Variants in OR51B5 observed in about 807,000 individuals in gnomAD.
OR51B5 encodes olfactory receptor family 51 subfamily B member 5.
For missense variants in OR51B5, 456 were observed against 374.6 expected, an observed-to-expected ratio of 1.22 and a Z score of -1.79; for synonymous variants, 186 against 144.8, an observed-to-expected ratio of 1.28 and a Z score of -2.04.
chr11:5,346,120 A>T (rs1057034707), upstream of OR51B5: 1 of 152,128 alleles, frequency 6.6e-6, no homozygotes, highest in Admixed American at 6.6e-5. Context: ...ATTCCTTCTT[A>T]TCAGAGAATA....
At chr11:5,409,133 C>G (rs1850105681) in intron 1 of OR51B5, among the ~76,000 whole-genome samples, 1 of 152,102 alleles carries the variant, frequency 6.6e-6, no homozygotes, top group Non-Finnish European at 1.5e-5. Flanking sequence ...TTTAAAATCA[C>G]TGTGTGTGTC....
intron 1 of OR51B5, among the ~76,000 whole-genome samples, chr11:5,348,525 C>T (rs555631384): frequency 2.6e-5 from 4 of 152,150 alleles, no homozygotes; most frequent in Non-Finnish European, 4.4e-5. Context: ...ACTAATAAAC[C>T]AATTCAAAAT....
At chr11:5,395,803 T>C (rs1327179929) in intron 1 of OR51B5, among the ~76,000 whole-genome samples, 2 of 152,198 alleles carry the variant, frequency 1.3e-5, no homozygotes, top group Non-Finnish European at 2.9e-5. Context: ...CAAGAGCTCA[T>C]GGCTTCCCAC....
At chr11:5,405,024 G>A (rs58114066) in intron 1 of OR51B5, among the ~76,000 whole-genome samples, 8,907 of 152,184 alleles carry the variant, frequency 0.059, 688 homozygotes, top group East Asian at 0.4. Context: ...AGAACCCACC[G>A]TTGCAGAAAC....
intron 1 of OR51B5, among the ~76,000 whole-genome samples, chr11:5,484,599 A>G (rs1311677439): frequency 6.6e-6 from 1 of 152,132 alleles, no homozygotes; most frequent in Non-Finnish European, 1.5e-5. Context: ...GATAATATCT[A>G]ATTTTATATA....
intron 1 of OR51B5, among the ~76,000 whole-genome samples, chr11:5,485,378 A>G (rs1034338889): frequency 6.6e-6 from 1 of 152,124 alleles, no homozygotes. Context: ...TCTTTCCCAC[A>G]AAAAATGTGT....
chr11:5,372,326 GTTGT>G (rs1849460025), intron 1 of OR51B5, among the ~76,000 whole-genome samples: 1 of 147,078 alleles, frequency 6.8e-6, no homozygotes, highest in South Asian at 2.1e-4. Flanking sequence ...TCTATTTTTA[GTTGT>G]TTGAGAAACT....
At chr11:5,361,973 C>T (rs1191760505) in intron 1 of OR51B5, among the ~76,000 whole-genome samples, 1 of 152,166 alleles carries the variant, frequency 6.6e-6, no homozygotes. Flanking sequence ...AGGGTATAGA[C>T]TAACAGAAAG....
At chr11:5,494,935 G>T (rs1018139205) in intron 1 of OR51B5, among the ~76,000 whole-genome samples, 1 of 152,166 alleles carries the variant, frequency 6.6e-6, no homozygotes, top group African/African-American at 2.4e-5. Flanking sequence ...TTAACAGCAG[G>T]TGATATGGAC....
intron 1 of OR51B5, among the ~76,000 whole-genome samples, chr11:5,374,013 G>C (rs577439324): frequency 3.9e-5 from 6 of 152,182 alleles, no homozygotes; most frequent in Non-Finnish European, 8.8e-5. Flanking sequence ...ATCTGAGAAC[G>C]GGCAGACTGC....
intron 1 of OR51B5, among the ~76,000 whole-genome samples, chr11:5,491,933 T>C (rs999110860): frequency 1.3e-5 from 2 of 152,188 alleles, no homozygotes; most frequent in African/African-American, 4.8e-5. Flanking sequence ...CCTTAAACAG[T>C]CCTTCTCCTG....
At chr11:5,410,300 A>G (rs1160729750) in intron 1 of OR51B5, among the ~76,000 whole-genome samples, 1 of 152,182 alleles carries the variant, frequency 6.6e-6, no homozygotes, top group Non-Finnish European at 1.5e-5. Context: ...TGTGGCAGGA[A>G]TCATGCAAAA....
At chr11:5,386,906 G>A (rs1849703354) in intron 1 of OR51B5, among the ~76,000 whole-genome samples, 1 of 152,060 alleles carries the variant, frequency 6.6e-6, no homozygotes, top group South Asian at 2.1e-4. Flanking sequence ...GCATAAATAT[G>A]AGAAGAATCA....
intron 1 of OR51B5, chr11:5,352,530 C>T (rs1849114824): frequency 1.2e-6 from 1 of 805,216 alleles, no homozygotes; most frequent in Non-Finnish European, 2.0e-6. Context: ...TAGGGAAAGT[C>T]ATTTCAATGA....
intron 1 of OR51B5, among the ~76,000 whole-genome samples, chr11:5,355,930 G>A (rs1421681784): frequency 1.3e-5 from 2 of 152,044 alleles, no homozygotes; most frequent in Admixed American, 6.6e-5. Flanking sequence ...CCTGTTAGAA[G>A]GAAAACTAAC....
downstream of OR51B5, chr11:5,341,318 CCATTTTCTT>C (rs1564911023): frequency 6.6e-6 from 1 of 152,048 alleles, no homozygotes; most frequent in Non-Finnish European, 1.5e-5. Flanking sequence ...GGAGCAGGGG[CCATTTTCTT>C]CATAAGACAT....
At chr11:5,417,829 T>C (rs1157097704) in intron 1 of OR51B5, among the ~76,000 whole-genome samples, 1 of 68,158 alleles carries the variant, frequency 1.5e-5, no homozygotes, top group Non-Finnish European at 3.7e-5. Flanking sequence ...GTTGGTTGGA[T>C]TGTAAACTAG....
At chr11:5,441,254 G>A in intron 1 of OR51B5, 1 of 1,614,002 alleles carries the variant, frequency 6.2e-7, no homozygotes, top group Admixed American at 1.7e-5. Context: ...AGTTGAAGCA[G>A]AAAGTAGAAA....
intron 1 of OR51B5, chr11:5,453,667 A>G (rs756627327): frequency 1.3e-5 from 21 of 1,613,400 alleles, no homozygotes; most frequent in Non-Finnish European, 1.8e-5. Flanking sequence ...GAGCCCATGT[A>G]CTACTTCCTG....
Sources: allele counts gnomAD v4.1 joint callset (sites outside exome capture counted in the v4.1 genomes callset), GRCh38; gene constraint gnomAD v4.1.1; transcripts MANE v1.5; gene names NCBI Gene and HGNC (gene_info 2026-07-23, HGNC 2026-07-21).